The following BRCA2 variants were observed in gnomAD, a reference collection of about 807,000 sequenced individuals.
BRCA2 encodes the protein breast cancer type 2 susceptibility protein.
Under a neutral mutation model 276.7 loss-of-function variants are expected in BRCA2, and 203 were observed. That is an observed-to-expected ratio of 0.73 (90% CI 0.65 to 0.82). The LOEUF (loss-of-function observed/expected upper bound fraction) is 0.82. Ranked by LOEUF, BRCA2 falls within the 40% of genes least tolerant of loss-of-function variation. The pLI is 0.00. For synonymous variants in BRCA2, 1,289 were observed against 1,338.4 expected, an observed-to-expected ratio of 0.96 and a Z score of 0.81; for missense variants, 3,920 against 3,915.0, an observed-to-expected ratio of 1.00 and a Z score of -0.03.
Position 32,338,516 on chromosome 13 carries a change from AACTTT to A in BRCA2, c.4162_4166del (p.Thr1388PhefsTer13), listed in dbSNP as rs750704702. 1 of 1,604,070 alleles carries A rather than the reference AACTTT, an allele frequency of 6.2e-7. No homozygotes were observed. The highest frequency in any genetic ancestry group is 1.7e-5 in the Admixed American group (1 of 57,348). On this transcript the variant is annotated frameshift_variant, in exon 11 of 27. Coordinates refer to ENST00000380152, the MANE Select transcript of BRCA2 (RefSeq NM_000059.4). LOFTEE classifies it high-confidence loss of function. ...AGATTAAAGAAGATTTGTCAGATTT[AACTTT>A]TTTGGAAGTTGCGAAAGCTCAAGAA...
At chr13:32,341,431 T>A (rs1043606551) in intron 11 of BRCA2, among the ~76,000 whole-genome samples, 11 of 152,136 alleles carry the variant, frequency 7.2e-5, no homozygotes, top group Admixed American at 5.9e-4. Flanking sequence ...TACCAAGAAA[T>A]CATGTTTTAA....
rs1416179957 is a variant in BRCA2, at chr13:32,396,930, C to T, written c.9534C>T (p.Asn3178=). 6.2e-7 allele frequency: 1 copy of T among 1,614,094 alleles called. No homozygotes were observed. Among genetic ancestry groups the T allele is most frequent in the Non-Finnish European group, 8.5e-7 (1 of 1,179,976 alleles). ...NIDILCNEAE[N]KLMHILHAND... is the part of the protein sequence containing the mutation. ...ACATACTTTGCAATGAAGCAGAAAACAAGCTTATGCATATACTGCATGCAA... is the reference window on the plus strand; with the variant it reads ...ACATACTTTGCAATGAAGCAGAAAATAAGCTTATGCATATACTGCATGCAA... The change falls in exon 26 of 27, where the codon AAC becomes AAT. Residue 3178 remains asparagine (N), a synonymous_variant. Transcript: ENST00000380152.
At chr13:32,359,068 A>C (rs921708791) in intron 16 of BRCA2, among the ~76,000 whole-genome samples, 1 of 151,986 alleles carries the variant, frequency 6.6e-6, no homozygotes, top group Non-Finnish European at 1.5e-5. Context: ...CTAAAAATAC[A>C]AAAATTAGCT....
chr13:32,316,181 G>A (rs557484465), intron 1 of BRCA2, among the ~76,000 whole-genome samples: 3 of 152,226 alleles, frequency 2.0e-5, no homozygotes, highest in East Asian at 3.9e-4. Flanking sequence ...AAACTAAATC[G>A]TATGAAAATC....
chr13:32,319,595 T>C (rs1420331214), intron 3 of BRCA2, among the ~76,000 whole-genome samples: 2 of 152,218 alleles, frequency 1.3e-5, no homozygotes, highest in Non-Finnish European at 2.9e-5. Flanking sequence ...ACGTCTTTCT[T>C]ATGCCAAAAA....
intron 24 of BRCA2, among the ~76,000 whole-genome samples, chr13:32,380,902 G>A (rs751714285): frequency 1.3e-5 from 2 of 152,138 alleles, no homozygotes; most frequent in Non-Finnish European, 2.9e-5. Flanking sequence ...TGAATCTGTT[G>A]TGAAGAATTC....
Position 32,340,439 on chromosome 13 carries a change from A to G in BRCA2, c.6084A>G (p.Glu2028=), listed in dbSNP as rs747773227. Residue 2028 remains glutamate (E), a synonymous_variant, in exon 11 of 27, where the codon GAA becomes GAG. Transcript: ENST00000380152. The part of the protein sequence containing the change: ...SNEHSDQLTR[E]ENTAIRTPEH... Reference sequence around the variant, plus strand: ...AACATTCAGACCAGCTCACAAGAGAAGAAAATACTGCTATACGTACTCCAG... The same window carrying G: ...AACATTCAGACCAGCTCACAAGAGAGGAAAATACTGCTATACGTACTCCAG... 3 of 1,613,914 alleles carry G rather than the reference A, an allele frequency of 1.9e-6. No homozygotes were observed. Among genetic ancestry groups the G allele is most frequent in the Non-Finnish European group, 2.5e-6 (3 of 1,179,870 alleles).
chr13:32,339,254 C>A lies in BRCA2; in HGVS notation c.4899C>A (p.Ile1633=). Residue 1633 remains isoleucine (I), a synonymous_variant, in exon 11 of 27, where the codon ATC becomes ATA. Coordinates refer to ENST00000380152, the MANE Select transcript of BRCA2 (RefSeq NM_000059.4). ...AAAATCTCAAAACATCAAAAAGTAT[C>A]TTTTTGAAAGTTAAAGTACATGAAA... ...QTENLKTSKS[I]FLKVKVHENV... is the part of the protein sequence containing the mutation. The A allele has an allele frequency of 6.2e-7, 1 of 1,612,896 alleles. No homozygotes were observed. Among genetic ancestry groups the A allele is most frequent in the Non-Finnish European group, 8.5e-7 (1 of 1,179,620 alleles).
chr13:32,362,369 A>G (rs1246342113), intron 16 of BRCA2, 154 bp from the exon 17 acceptor site: 1 of 752,662 alleles, frequency 1.3e-6, no homozygotes, highest in Non-Finnish European at 2.2e-6. Flanking sequence ...TACATGTCAA[A>G]TAATTTTCTG....
chr13:32,391,230 A>C (rs1191861214), intron 24 of BRCA2, among the ~76,000 whole-genome samples: 2 of 152,196 alleles, frequency 1.3e-5, no homozygotes, highest in African/African-American at 2.4e-5. Flanking sequence ...TTCCCTGGGA[A>C]ACAGACTTAC....
chr13:32,356,354 G>C (rs2137561302), intron 14 of BRCA2, 74 bp from the exon 15 acceptor site: 1 of 1,456,784 alleles, frequency 6.9e-7, no homozygotes, highest in Non-Finnish European at 9.6e-7. Flanking sequence ...ACAGGCGTGA[G>C]CCACTGTGCC....
chr13:32,346,980 G>T, intron 13 of BRCA2, 84 bp downstream of exon 13: 1 of 1,062,370 alleles, frequency 9.4e-7, no homozygotes, highest in South Asian at 1.5e-5. Flanking sequence ...TAAAAATAAT[G>T]ACACTAACGT....
chr13:32,324,970 C>G (rs2137445434), intron 3 of BRCA2, 106 bp from the exon 4 acceptor site: 1 of 782,264 alleles, frequency 1.3e-6, no homozygotes, highest in Non-Finnish European at 2.2e-6. Flanking sequence ...CCTATACATT[C>G]TCATTCCCAG....
rs2137496281 is a variant in BRCA2, at chr13:32,337,763, A to G, written c.3408A>G (p.Ile1136Met). The change falls in exon 11 of 27, where the codon ATA becomes ATG. Residue 1136 changes from isoleucine (I) to methionine (M), a missense_variant. By Grantham distance (10) the Ile-to-Met change is conservative (BLOSUM62 1). This residue lies in a region of BRCA2 where 3,263 missense variants were observed against 3,156.9 expected (regional missense o/e 1.03). Transcript: ENST00000380152. ...CTCAGTTTAGAAAACCAAGCTACAT[A>G]TTGCAGAAGAGTACATTTGAAGTGC... ...EFTQFRKPSY[I>M]LQKSTFEVPE... 6.2e-7 allele frequency: 1 copy of G among 1,614,010 alleles called. No homozygotes were observed. Among genetic ancestry groups the G allele is most frequent in the South Asian group, 1.1e-5 (1 of 91,070 alleles).
intron 11 of BRCA2, among the ~76,000 whole-genome samples, chr13:32,344,126 A>G (rs2072592643): frequency 6.6e-6 from 1 of 151,486 alleles, no homozygotes; most frequent in South Asian, 2.1e-4. Flanking sequence ...AAGGACCTAC[A>G]TAATAAATTA....
intron 15 of BRCA2, among the ~76,000 whole-genome samples, chr13:32,357,374 C>T (rs567507779): frequency 1.3e-5 from 2 of 152,196 alleles, no homozygotes; most frequent in Non-Finnish European, 2.9e-5. Flanking sequence ...GATCTGACCA[C>T]CTGAGGTCAC....
chr13:32,364,756 G>T (rs1162915192), intron 18 of BRCA2, among the ~76,000 whole-genome samples: 2 of 151,918 alleles, frequency 1.3e-5, no homozygotes, highest in African/African-American at 4.8e-5. Flanking sequence ...TTCTCCATTG[G>T]TTCCATTTCT....
rs2072518828 is a variant in BRCA2, at chr13:32,339,393, T to A, written c.5038T>A (p.Ser1680Thr). The A allele has an allele frequency of 6.3e-7, 1 of 1,595,786 alleles. No homozygotes were observed. The highest frequency in any genetic ancestry group is 1.1e-5 in the South Asian group (1 of 87,094). Residue 1680 changes from serine to threonine, a missense_variant, in exon 11 of 27, where the codon TCT (serine) becomes ACT (threonine). Physicochemically the swap from Ser to Thr is moderately conservative, Grantham distance 58. Around this residue, in one of 2 missense-constraint regions of BRCA2, gnomAD observed 3,263 missense variants for 3,156.9 expected, o/e 1.03. Transcript: ENST00000380152. ...AFYTSCSRKT[S>T]VSQTSLLEAK... ...TTACACAAGTTGTAGTAGAAAAACTTCTGTGAGTCAGACTTCATTACTTGA... is the reference window on the plus strand; with the variant it reads ...TTACACAAGTTGTAGTAGAAAAACTACTGTGAGTCAGACTTCATTACTTGA...
Position 32,341,127 on chromosome 13 carries a change from G to GA in BRCA2, c.6776dup (p.Asn2259LysfsTer2). On this transcript the variant is annotated frameshift_variant, in exon 11 of 27. Coordinates refer to ENST00000380152, the MANE Select transcript of BRCA2 (RefSeq NM_000059.4). LOFTEE classifies it high-confidence loss of function. ...CACACATTCTCTTTTTACATGTCCC[G>GA]AAAATGAGGAAATGGTTTTGTCAAA... 6.2e-7 allele frequency: 1 copy of GA among 1,613,860 alleles called. No homozygotes were observed. The highest frequency in any genetic ancestry group is 2.2e-5 in the East Asian group (1 of 44,808).
Sources: gnomAD v4.1 joint callset for allele counts (sites outside exome capture counted in the v4.1 genomes callset) on GRCh38, gnomAD v4.1.1 for gene constraint, gnomAD v4.1.1 regional missense constraint, MANE v1.5 for transcripts, NCBI Gene and HGNC (gene_info 2026-07-23, HGNC 2026-07-21) for gene names.